The following ESR2 variants were observed in gnomAD, a reference collection of about 807,000 sequenced individuals.
The protein encoded by ESR2 is estrogen receptor 2.
ESR2 carries 36 observed loss-of-function variants against 49.6 expected under a neutral mutation model. The observed-to-expected ratio is 0.73, with a 90% CI of 0.56 to 0.96. The LOEUF is 0.96. Ranked by LOEUF, ESR2 falls within the 40% of genes least tolerant of loss-of-function variation. ESR2 has a pLI of 0.00. For synonymous variants in ESR2, 320 were observed against 266.1 expected (o/e 1.20, Z -1.97); for missense variants, 714 against 693.0 (o/e 1.03, Z -0.34).
At chr14:64,262,965 GA>G (rs1227443551) in intron 4 of ESR2, among the ~76,000 whole-genome samples, 2 of 151,798 alleles carry the variant, frequency 1.3e-5, no homozygotes, top group African/African-American at 4.8e-5. Flanking sequence ...AGCAAAAGAA[GA>G]AAAAGAAAAC....
intron 6 of ESR2, among the ~76,000 whole-genome samples, chr14:64,255,454 A>T (rs548635151): frequency 6.6e-6 from 1 of 152,254 alleles, no homozygotes; most frequent in South Asian, 2.1e-4. Flanking sequence ...CAAGTAAAAC[A>T]GGGCTGTTCT....
intron 4 of ESR2, among the ~76,000 whole-genome samples, chr14:64,267,883 CAAAAAAA>C (rs397691951): frequency 1.3e-5 from 1 of 79,556 alleles, no homozygotes; most frequent in African/African-American, 4.5e-5. Flanking sequence ...GACTCCATCT[CAAAAAAA>C]AAAAAAAAAA....
At chr14:64,278,303 G>A (rs1037220223) in intron 3 of ESR2, among the ~76,000 whole-genome samples, 3 of 152,074 alleles carry the variant, frequency 2.0e-5, no homozygotes, top group African/African-American at 7.2e-5. Flanking sequence ...AGGTGAAGTC[G>A]CAGAGCTAGT....
rs11849012 is a variant in ESR2 at position 64,334,981 on chromosome 14, T to C, written c.-91+2917A>G. Among the ~76,000 whole-genome samples the C allele has an allele frequency of 4.2e-3, 635 of 152,336 alleles. 1 individual carries two copies. Among genetic ancestry groups the C allele is most frequent in the African/African-American group, 0.015 (627 of 41,578 alleles). Reference sequence around the variant, plus strand: ...TATTTTAAAACCACTACAGGAATACTGTTTGTGTAGGGTTTTTTCCTAAAA... The same window carrying C: ...TATTTTAAAACCACTACAGGAATACCGTTTGTGTAGGGTTTTTTCCTAAAA... On this transcript the variant is annotated intron_variant, in intron 1 of 8. Transcript: ENST00000358599.
chr14:64,310,286 A>AAT (rs2077170107), intron 1 of ESR2, among the ~76,000 whole-genome samples: 9 of 142,468 alleles, frequency 6.3e-5, no homozygotes, highest in African/African-American at 1.1e-4. Context: ...TCGTCTCAAA[A>AAT]AATAATAATA....
intron 1 of ESR2, among the ~76,000 whole-genome samples, chr14:64,292,308 T>C (rs542397629): frequency 1.3e-5 from 2 of 152,322 alleles, no homozygotes; most frequent in East Asian, 1.9e-4. Flanking sequence ...TTTTGATCAG[T>C]GATTTTCAGG....
intron 4 of ESR2, among the ~76,000 whole-genome samples, chr14:64,266,373 G>A (rs1200317288): frequency 6.6e-6 from 1 of 152,216 alleles, no homozygotes; most frequent in Non-Finnish European, 1.5e-5. Context: ...TCAGTAGTTT[G>A]AGCACAGTTA....
chr14:64,320,751 C>T (rs1424275499), intron 1 of ESR2, among the ~76,000 whole-genome samples: 2 of 151,828 alleles, frequency 1.3e-5, no homozygotes, highest in Non-Finnish European at 2.9e-5. Context: ...CAAAATTAGT[C>T]GGGTGTGGTG....
At chr14:64,267,264 G>A (rs1196815325) in intron 4 of ESR2, among the ~76,000 whole-genome samples, 5 of 152,188 alleles carry the variant, frequency 3.3e-5, no homozygotes, top group Non-Finnish European at 7.3e-5. Context: ...ATTTTATAAT[G>A]TAACAATTAC....
rs962635848 is a variant in ESR2, at chr14:64,280,292, T to C, written c.363-139A>G. On this transcript the variant is annotated intron_variant, in intron 2 of 8. Coordinates refer to ENST00000341099, the MANE Select transcript of ESR2 (RefSeq NM_001437.3). ...TTCCTGGTAAATATATTCCCGGAAA[T>C]CTGATACAGCAAAGCTTTTGATACT... The C allele has an allele frequency of 2.4e-5, 16 of 659,812 alleles. No individual in the cohort carries two copies. The African/African-American group carries it at 2.9e-4, about 12-fold the overall frequency. 40.9% of individuals were successfully genotyped at this position (659,812 alleles called of 1,614,324 possible). A position where few individuals can be genotyped will look rare whatever the true frequency, so the allele number is the denominator to read the frequency against.
At chr14:64,257,484 AT>A in intron 5 of ESR2, 120 bp from the exon 6 acceptor site, 1 of 1,249,526 alleles carries the variant, frequency 8.0e-7, no homozygotes, top group Non-Finnish European at 1.1e-6. Context: ...GGGAGTTGAT[AT>A]TTTATAGATG....
chr14:64,243,273 A>G (rs185796989), intron 7 of ESR2, among the ~76,000 whole-genome samples: 182 of 152,360 alleles, frequency 1.2e-3, no homozygotes, highest in African/African-American at 4.3e-3. Flanking sequence ...ATATGGGCAT[A>G]GTTTGTGGCA....
At chr14:64,273,523 T>C (rs969502794) in intron 3 of ESR2, among the ~76,000 whole-genome samples, 5 of 152,212 alleles carry the variant, frequency 3.3e-5, no homozygotes, top group African/African-American at 4.8e-5. Context: ...GAAGGGATGT[T>C]GAATTTTATC....
chr14:64,291,100 G>A (rs1247613264), intron 1 of ESR2, among the ~76,000 whole-genome samples: 3 of 152,156 alleles, frequency 2.0e-5, no homozygotes, highest in Non-Finnish European at 4.4e-5. Context: ...ATATTCATTT[G>A]GGACAGGGTC....
upstream of ESR2, among the ~76,000 whole-genome samples, chr14:64,297,134 G>GCT (rs2076966834): frequency 6.6e-6 from 1 of 152,140 alleles, no homozygotes; most frequent in South Asian, 2.1e-4. Flanking sequence ...ATATGACATT[G>GCT]AAAGGACTGC....
intron 6 of ESR2, among the ~76,000 whole-genome samples, chr14:64,253,558 A>ATT (rs1491354711): frequency 4.4e-5 from 4 of 90,302 alleles, no homozygotes; most frequent in African/African-American, 1.2e-4. Context: ...GGGGTACACT[A>ATT]TTTGTGTGTG....
At chr14:64,302,868 G>A (rs1259702465) in intron 1 of ESR2, among the ~76,000 whole-genome samples, 1 of 152,036 alleles carries the variant, frequency 6.6e-6, no homozygotes, top group African/African-American at 2.4e-5. Context: ...GCACAATCTC[G>A]GCTCACTGCA....
chr14:64,266,570 T>A (rs1382368825), intron 4 of ESR2, among the ~76,000 whole-genome samples: 1 of 152,250 alleles, frequency 6.6e-6, no homozygotes, highest in East Asian at 1.9e-4. Context: ...ATACTCACTT[T>A]AAAATAGTTT....
chr14:64,325,608 C>A (rs2077379185), intron 1 of ESR2, among the ~76,000 whole-genome samples: 1 of 152,006 alleles, frequency 6.6e-6, no homozygotes. Flanking sequence ...TTACAGTTGA[C>A]CCTTGAAGAC....
Sources: allele counts gnomAD v4.1 joint callset (sites outside exome capture counted in the v4.1 genomes callset), GRCh38; gene constraint gnomAD v4.1.1; transcripts MANE v1.5; gene names NCBI Gene and HGNC (gene_info 2026-07-23, HGNC 2026-07-21).